Variants in FBRSL1 observed in about 807,000 individuals in gnomAD.
The protein encoded by FBRSL1 is fibrosin-1-like protein.
In FBRSL1, 51 loss-of-function variants were observed where a neutral mutation model predicts 89.6. The ratio of observed to expected loss-of-function variants is 0.57; its 90% CI spans 0.45 to 0.72. The LOEUF is 0.72. FBRSL1 is among the 30% of genes least tolerant of loss of function. The pLI is 0.00. For missense variants in FBRSL1, 1,618 were observed against 1,451.8 expected (o/e 1.11, Z -1.86); for synonymous variants, 779 against 681.1 (o/e 1.14, Z -2.24).
rs2040910140 is a variant in FBRSL1 at position 132,583,212 on chromosome 12, AAGG to A, written c.2449_2451del (p.Glu817del). 1 of 1,434,308 alleles carries A rather than the reference AAGG, an allele frequency of 7.0e-7. No homozygotes were observed. The highest frequency in any genetic ancestry group is 9.1e-7 in the Non-Finnish European group (1 of 1,095,820). 88.8% of individuals were successfully genotyped at this position (1,434,308 alleles called of 1,614,324 possible). On this transcript the variant is annotated inframe_deletion, in exon 19 of 19. Transcript: ENST00000680143. The stretch of plus-strand genomic sequence containing the variant: ...GGCGGCCCCTGGAGACGTGAAGGTC[AAGG>A]AGGAGCGCGGGGAGGACGAGGCCTC...
intron 1 of FBRSL1, among the ~76,000 whole-genome samples, chr12:132,493,304 C>G (rs1444893715): frequency 6.6e-6 from 1 of 152,242 alleles, no homozygotes; most frequent in Non-Finnish European, 1.5e-5. Flanking sequence ...TCTTCCTACT[C>G]TGGGATGCTG....
rs373883022 is a variant in FBRSL1, at chr12:132,508,133, G to A, written c.292-20G>A. ...CCTGGGGTCCCGCCAATTAACTGGC[G>A]TTTCCCTGTCTCCCTGCAGAAGGAT... On this transcript the variant is annotated intron_variant, in intron 1 of 18. Transcript: ENST00000680143. 1.5e-4 allele frequency: 234 copies of A among 1,550,460 alleles called. 1 individual carries two copies. In the African/African-American group the frequency reaches 2.2e-3, roughly 15 times the overall value.
intron 4 of FBRSL1, among the ~76,000 whole-genome samples, chr12:132,534,250 C>T (rs556431732): frequency 1.2e-4 from 19 of 152,316 alleles, no homozygotes; most frequent in African/African-American, 2.6e-4. Flanking sequence ...CCATGGGCTG[C>T]GGGAGGGTGG....
Position 132,584,009 on chromosome 12 carries a change from A to C in FBRSL1, c.*231A>C, listed in dbSNP as rs1013396569. On this transcript the variant is annotated 3_prime_UTR_variant, in exon 19 of 19. Coordinates refer to ENST00000680143, the MANE Select transcript of FBRSL1 (RefSeq NM_001367871.1). The stretch of plus-strand genomic sequence containing the variant: ...AATCGCGTTTGTACCTTTTCCCCCC[A>C]CAGATGAGAAGTGTTTGTAATGGAT... The C allele has an allele frequency of 2.1e-5, 5 of 243,738 alleles. No individual in the cohort carries two copies. The highest frequency in any genetic ancestry group is 3.9e-5 in the Non-Finnish European group (5 of 127,130). 15.1% of individuals were successfully genotyped at this position (243,738 alleles called of 1,614,324 possible).
intron 1 of FBRSL1, among the ~76,000 whole-genome samples, chr12:132,494,754 C>T (rs2031707112): frequency 6.6e-6 from 1 of 152,218 alleles, no homozygotes; most frequent in Non-Finnish European, 1.5e-5. Context: ...TTGAGCTGTT[C>T]CCTGACTGGC....
At chr12:132,530,846 G>A (rs2036205634) in intron 4 of FBRSL1, among the ~76,000 whole-genome samples, 1 of 152,098 alleles carries the variant, frequency 6.6e-6, no homozygotes. Context: ...CTGTGCGTGT[G>A]CACTGGGCCC....
At chr12:132,557,849 C>G (rs1281821051) in intron 5 of FBRSL1, among the ~76,000 whole-genome samples, 1 of 152,200 alleles carries the variant, frequency 6.6e-6, no homozygotes, top group Non-Finnish European at 1.5e-5. Context: ...TGCCCTGTAC[C>G]CAGAGAAGGA....
chr12:132,510,779 G>A, intron 2 of FBRSL1: 1 of 1,154,196 alleles, frequency 8.7e-7, no homozygotes. Context: ...TGGTGTGCGT[G>A]CCCTGGGAGG....
At position 132,585,004 on chromosome 12, in the gene FBRSL1, T is replaced by TCTGGGGC. The variant is rs2041035476; in HGVS notation, c.*1226_*1227insCTGGGGC. On this transcript the variant is annotated 3_prime_UTR_variant, in exon 19 of 19. Coordinates refer to ENST00000680143, the MANE Select transcript of FBRSL1 (RefSeq NM_001367871.1). ...CATGCCCTGCCCCCCTTGCGGCCTT[T>TCTGGGGC]TGTGTTCCCCGATGTCTGGGCTGTG... 6.9e-6 allele frequency: 1 copy of TCTGGGGC among 144,932 alleles called. No individual in the cohort carries two copies. The highest frequency in any genetic ancestry group is 2.4e-4 in the South Asian group (1 of 4,142). 9.0% of individuals were successfully genotyped at this position (144,932 alleles called of 1,614,324 possible). A position where few individuals can be genotyped will look rare whatever the true frequency, so the allele number is the denominator to read the frequency against.
At chr12:132,534,075 A>T (rs1189455560) in intron 4 of FBRSL1, among the ~76,000 whole-genome samples, 1 of 152,090 alleles carries the variant, frequency 6.6e-6, no homozygotes, top group African/African-American at 2.4e-5. Context: ...TAAGTGACAA[A>T]GGGGCTGACC....
intron 2 of FBRSL1, chr12:132,509,689 G>A (rs1593281170): frequency 9.7e-6 from 12 of 1,231,574 alleles, no homozygotes; most frequent in African/African-American, 1.6e-5. Flanking sequence ...AGGCGCCTGC[G>A]GTCCCTGCTG....
chr12:132,583,208 G>A lies in FBRSL1; in HGVS notation c.2439G>A (p.Lys813=), dbSNP rs568962900. ...GCAAGGCGGCCCCTGGAGACGTGAA[G>A]GTCAAGGAGGAGCGCGGGGAGGACG... ...PHSKAAPGDV[K]VKEERGEDEA... is the part of the protein sequence containing the mutation. Residue 813 remains lysine (K), a synonymous_variant, in exon 19 of 19, where the codon AAG becomes AAA. Coordinates refer to ENST00000680143, the MANE Select transcript of FBRSL1 (RefSeq NM_001367871.1). 2,112 of 1,436,994 alleles carry A rather than the reference G, an allele frequency of 1.5e-3. 31 individuals carry two copies. The African/African-American group carries it at 0.029, about 19-fold the overall frequency. The allele number at this position is 1,436,994 out of a possible 1,614,324, so 89.0% of individuals were successfully genotyped here.
rs770422642 is a variant in FBRSL1 at position 132,569,958 on chromosome 12, G to C, written c.724G>C (p.Gly242Arg). The C allele has an allele frequency of 2.1e-6, 3 of 1,433,188 alleles. No homozygotes were observed. The highest frequency in any genetic ancestry group is 2.7e-6 in the Non-Finnish European group (3 of 1,102,302). 88.8% of individuals were successfully genotyped at this position (1,433,188 alleles called of 1,614,324 possible). A position where few individuals can be genotyped will look rare whatever the true frequency, so the allele number is the denominator to read the frequency against. ...PALEKSEAKA[G>R]PVPKVSGLER... ...GCTTGAGAAGTCGGAGGCCAAGGCC[G>C]GGCCGGTGCCCAAGGTGTCAGGCCT... The change falls in exon 7 of 19, where the codon GGG (glycine) becomes CGG (arginine). Residue 242 changes from glycine (G) to arginine (R), a missense_variant. Transcript: ENST00000680143.
chr12:132,547,483 G>A (rs943619238), intron 4 of FBRSL1, among the ~76,000 whole-genome samples: 3 of 152,190 alleles, frequency 2.0e-5, no homozygotes, highest in African/African-American at 4.8e-5. Context: ...CTCTGCCCCC[G>A]GCTGTCCTGA....
intron 2 of FBRSL1, chr12:132,510,959 G>A: frequency 1.0e-6 from 1 of 990,694 alleles, no homozygotes; most frequent in Non-Finnish European, 1.2e-6. Context: ...GTGTGTGCAT[G>A]TGTGCGAGAG....
intron 1 of FBRSL1, among the ~76,000 whole-genome samples, chr12:132,493,928 C>T (rs939052795): frequency 3.3e-5 from 5 of 152,164 alleles, no homozygotes; most frequent in Non-Finnish European, 7.4e-5. Flanking sequence ...GTGCCTGCAG[C>T]CCTGGAGACA....
chr12:132,562,977 ACGCCACACC>A (rs1219169969), intron 5 of FBRSL1, among the ~76,000 whole-genome samples: 2 of 151,598 alleles, frequency 1.3e-5, no homozygotes, highest in East Asian at 1.9e-4. Flanking sequence ...TGAAGGACCT[ACGCCACACC>A]TGGCCCCCAC....
At chr12:132,501,551 G>C (rs1159084080) in intron 1 of FBRSL1, among the ~76,000 whole-genome samples, 1 of 152,190 alleles carries the variant, frequency 6.6e-6, no homozygotes, top group Non-Finnish European at 1.5e-5. Context: ...CCTCACTGCT[G>C]TCATGAGTTC....
intron 1 of FBRSL1, among the ~76,000 whole-genome samples, 188 bp from the exon 2 acceptor site, chr12:132,507,965 G>A (rs2033887509): frequency 6.6e-6 from 1 of 152,120 alleles, no homozygotes; most frequent in African/African-American, 2.4e-5. Context: ...CCATCCCGCA[G>A]CAGCATCTCA....
Sources: gnomAD v4.1 joint callset for allele counts (sites outside exome capture counted in the v4.1 genomes callset) on GRCh38, gnomAD v4.1.1 for gene constraint, MANE v1.5 for transcripts, NCBI Gene and HGNC (gene_info 2026-07-23, HGNC 2026-07-21) for gene names.